The following CDH23 variants were observed in gnomAD, a reference collection of about 807,000 sequenced individuals.
CDH23 encodes the protein cadherin related 23, also known as cadherin-23.
A neutral mutation model predicts 317.1 loss-of-function variants in CDH23; 189 were observed. That is an observed-to-expected ratio of 0.60 (90% CI 0.53 to 0.67). The LOEUF is 0.67. Among genes scored for constraint, CDH23 ranks in the 30% least tolerant of loss-of-function variants. The probability of loss-of-function intolerance (pLI) is 0.00; values close to 1 mark genes in which losing one functional copy is unlikely to be tolerated. For synonymous variants in CDH23, 1,839 were observed against 1,876.8 expected, an observed-to-expected ratio of 0.98 and a Z score of 0.52; for missense variants, 4,401 against 4,592.4, an observed-to-expected ratio of 0.96 and a Z score of 1.20.
chr10:71,720,420 A>AACACACACACACACACACAC (rs57346519), intron 28 of CDH23, among the ~76,000 whole-genome samples: 6 of 145,750 alleles, frequency 4.1e-5, no homozygotes, highest in African/African-American at 1.5e-4. Flanking sequence ...CTCTTTCCAA[A>AACACACACACACACACACAC]ACACACACAC....
At chr10:71,805,624 A>T (rs1362347699) in intron 55 of CDH23, among the ~76,000 whole-genome samples, 182 bp from the exon 56 acceptor site, 1 of 152,218 alleles carries the variant, frequency 6.6e-6, no homozygotes. Context: ...GAAGAGGGAC[A>T]ACAGCTAGCA....
At chr10:71,589,183 G>A (rs7097183) in intron 9 of CDH23, among the ~76,000 whole-genome samples, 1 of 151,960 alleles carries the variant, frequency 6.6e-6, no homozygotes, top group Non-Finnish European at 1.5e-5. Context: ...GCAGTGGAGC[G>A]ATCTTGGCTC....
chr10:71,721,203 C>A (rs1262417860), intron 28 of CDH23, among the ~76,000 whole-genome samples: 2 of 152,210 alleles, frequency 1.3e-5, no homozygotes, highest in African/African-American at 4.8e-5. Context: ...TCTTCACCAT[C>A]CTGAGCCCTT....
At chr10:71,639,923 G>C (rs1409004209) in intron 11 of CDH23, among the ~76,000 whole-genome samples, 1 of 152,170 alleles carries the variant, frequency 6.6e-6, no homozygotes, top group Non-Finnish European at 1.5e-5. Flanking sequence ...TAAAGTCCTG[G>C]AAGGAACAGG....
intron 14 of CDH23, 80 bp from the exon 15 acceptor site, chr10:71,675,032 C>A (rs1025710034): frequency 1.5e-6 from 2 of 1,304,114 alleles, no homozygotes; most frequent in Admixed American, 1.7e-5. Context: ...AGGAGACGTG[C>A]GAGAGGAACA....
intron 9 of CDH23, among the ~76,000 whole-genome samples, chr10:71,590,547 G>C (rs770660856): frequency 6.6e-6 from 1 of 152,186 alleles, no homozygotes; most frequent in African/African-American, 2.4e-5. Context: ...TCACAACGAC[G>C]TCCGGCAGAC....
At chr10:71,468,499 A>C (rs1393049650) in intron 3 of CDH23, among the ~76,000 whole-genome samples, 2 of 152,112 alleles carry the variant, frequency 1.3e-5, no homozygotes, top group Admixed American at 1.3e-4. Flanking sequence ...TGGTCCCCTA[A>C]AAAGATTGCT....
At chr10:71,705,827 A>G (rs1437745178) in intron 25 of CDH23, among the ~76,000 whole-genome samples, 1 of 151,858 alleles carries the variant, frequency 6.6e-6, no homozygotes, top group African/African-American at 2.4e-5. Context: ...CTGTTCCCTG[A>G]GCCTGTTCAA....
intron 38 of CDH23, chr10:71,773,483 G>A (rs1417316094): frequency 6.5e-7 from 1 of 1,542,714 alleles, no homozygotes; most frequent in Admixed American, 1.9e-5. Flanking sequence ...CCGGGGAGCG[G>A]GCGGGACGCG....
chr10:71,733,852 C>T (rs1839471454), intron 32 of CDH23, among the ~76,000 whole-genome samples: 1 of 152,160 alleles, frequency 6.6e-6, no homozygotes, highest in Non-Finnish European at 1.5e-5. Flanking sequence ...CAGGCCTTGT[C>T]CTAGAGGATA....
At chr10:71,540,731 A>T (rs1199078581) in intron 6 of CDH23, among the ~76,000 whole-genome samples, 1 of 152,080 alleles carries the variant, frequency 6.6e-6, no homozygotes, top group Non-Finnish European at 1.5e-5. Context: ...AGCTCTGTGC[A>T]AATCCCAAGT....
At chr10:71,802,775 C>T (rs533863777) in intron 53 of CDH23, 123 bp from the exon 54 acceptor site, 34 of 1,008,700 alleles carry the variant, frequency 3.4e-5, no homozygotes, top group Non-Finnish European at 5.1e-5. Context: ...CATTAGAAGA[C>T]ATTACCTCCC....
chr10:71,497,251 T>C (rs963043301), intron 3 of CDH23, among the ~76,000 whole-genome samples: 2 of 152,216 alleles, frequency 1.3e-5, no homozygotes, highest in African/African-American at 2.4e-5. Context: ...TTTTTCAACA[T>C]TTCCTTTTGT....
chr10:71,504,512 C>T (rs552907831), intron 3 of CDH23, among the ~76,000 whole-genome samples: 58 of 152,326 alleles, frequency 3.8e-4, no homozygotes, highest in African/African-American at 1.3e-3. Flanking sequence ...AGAATGCTGG[C>T]ATGAACACAG....
In CDH23 at chr10:71,730,473, T is replaced by C. The variant is rs1839334318; in HGVS notation, c.3584T>C (p.Ile1195Thr). 6.2e-7 allele frequency: 1 copy of C among 1,613,652 alleles called. No individual in the cohort carries two copies. The highest frequency in any genetic ancestry group is 8.5e-7 in the Non-Finnish European group (1 of 1,179,824). ...CCCCTGGCCCGGCTCCCACAGGTGATTGTGTACGTGGAGGACATCAACGAT... is the reference window on the plus strand; with the variant it reads ...CCCCTGGCCCGGCTCCCACAGGTGACTGTGTACGTGGAGGACATCAACGAT... ...LGPMRSSVRV[I>T]VYVEDINDEA... is the part of the protein sequence containing the mutation. The change falls in exon 31 of 70, where the codon ATT becomes ACT. Residue 1195 changes from isoleucine (I) to threonine (T), a missense_variant. Around this residue, in one of 3 missense-constraint regions of CDH23, gnomAD observed 3,068 missense variants for 3,203.3 expected, o/e 0.96. Coordinates refer to ENST00000224721, the MANE Select transcript of CDH23 (RefSeq NM_022124.6).
intron 28 of CDH23, among the ~76,000 whole-genome samples, chr10:71,718,958 G>T (rs553426076): frequency 6.6e-6 from 1 of 152,006 alleles, no homozygotes; most frequent in East Asian, 1.9e-4. Context: ...TGTGCCTGTG[G>T]CCCCAGCTAC....
chr10:71,577,841 G>T, intron 8 of CDH23, 73 bp from the exon 9 acceptor site: 1 of 1,295,656 alleles, frequency 7.7e-7, no homozygotes, highest in Non-Finnish European at 1.1e-6. Context: ...GGAAGCTGTG[G>T]GTGCCATGAT....
chr10:71,447,804 C>T (rs1029504028), intron 3 of CDH23, among the ~76,000 whole-genome samples: 9 of 152,276 alleles, frequency 5.9e-5, no homozygotes, highest in East Asian at 3.9e-4. Flanking sequence ...TATTTGTGGA[C>T]GACTGGACTT....
chr10:71,654,570 C>T (rs1473569910), intron 14 of CDH23, among the ~76,000 whole-genome samples: 2 of 152,212 alleles, frequency 1.3e-5, no homozygotes, highest in Admixed American at 6.5e-5. Flanking sequence ...GTAGGGAGGC[C>T]TTCTCTTTCC....
Sources: gnomAD v4.1 joint callset for allele counts (sites outside exome capture counted in the v4.1 genomes callset) on GRCh38, gnomAD v4.1.1 for gene constraint, gnomAD v4.1.1 regional missense constraint, MANE v1.5 for transcripts, NCBI Gene and HGNC (gene_info 2026-07-23, HGNC 2026-07-21) for gene names.